ZAN: variants seen among roughly 807,000 people sequenced by gnomAD.
ZAN encodes the protein zonadhesin (gene/pseudogene).
A neutral mutation model predicts 286.2 loss-of-function variants in ZAN; 260 were observed. The observed-to-expected ratio is 0.91, with a 90% CI of 0.82 to 1.01. ZAN has a LOEUF of 1.01. ZAN is among the 50% of genes least tolerant of loss of function. The probability of loss-of-function intolerance (pLI) is 0.00; values close to 1 mark genes in which losing one functional copy is unlikely to be tolerated. For synonymous variants in ZAN, 1,368 were observed against 1,417.5 expected (o/e 0.97, Z 0.79); for missense variants, 3,410 against 3,639.2 (o/e 0.94, Z 1.62).
intron 45 of ZAN, among the ~76,000 whole-genome samples, 186 bp downstream of exon 45, chr7:100,795,522 G>A (rs1218352439): frequency 6.7e-6 from 1 of 149,154 alleles, no homozygotes; most frequent in South Asian, 2.1e-4. Context: ...AATATATCTT[G>A]TATATTAATT....
At chr7:100,748,993 C>G (rs1808422392) in intron 11 of ZAN, among the ~76,000 whole-genome samples, 1 of 151,978 alleles carries the variant, frequency 6.6e-6, no homozygotes. Flanking sequence ...TATGATTGAA[C>G]CAGTGCACTC....
chr7:100,777,200 C>T (rs988000690), intron 34 of ZAN, among the ~76,000 whole-genome samples: 1 of 151,572 alleles, frequency 6.6e-6, no homozygotes, highest in African/African-American at 2.4e-5. Flanking sequence ...CCCGCCACCA[C>T]GCCTGGCTAC....
At chr7:100,751,587 G>A (rs1808668507) in intron 13 of ZAN, 125 bp from the exon 14 acceptor site, 1 of 1,049,838 alleles carries the variant, frequency 9.5e-7, no homozygotes, top group South Asian at 1.8e-5. Context: ...TGAAGGTTGG[G>A]GTTTGGGAGT....
chr7:100,797,674 C>T (rs1344606352), intron 47 of ZAN, 33 bp from the exon 48 acceptor site: 2 of 1,613,970 alleles, frequency 1.2e-6, no homozygotes, highest in East Asian at 2.2e-5. Flanking sequence ...GTTGAGTCTC[C>T]TCTCATACAT....
intron 44 of ZAN, 85 bp downstream of exon 44, chr7:100,794,343 G>A: frequency 1.3e-6 from 2 of 1,509,738 alleles, no homozygotes; most frequent in Non-Finnish European, 1.8e-6. Flanking sequence ...CTTGTCCTCA[G>A]GACTCTTCCA....
intron 7 of ZAN, 59 bp from the exon 8 acceptor site, chr7:100,746,479 T>C: frequency 6.3e-7 from 1 of 1,591,246 alleles, no homozygotes; most frequent in South Asian, 1.1e-5. Flanking sequence ...GGGCCCTATC[T>C]CTGCTGCCAT....
At chr7:100,773,568 C>T in intron 30 of ZAN, 75 bp downstream of exon 30, 2 of 1,568,786 alleles carry the variant, frequency 1.3e-6, no homozygotes, top group Non-Finnish European at 1.7e-6. Flanking sequence ...TCAGGAGAGG[C>T]AGGAGGAAGG....
At chr7:100,746,050 C>A (rs1390286785) in intron 7 of ZAN, among the ~76,000 whole-genome samples, 1 of 151,450 alleles carries the variant, frequency 6.6e-6, no homozygotes, top group Non-Finnish European at 1.5e-5. Flanking sequence ...GTGGTGAAAC[C>A]CTATCTTTTC....
chr7:100,774,159 C>T (rs1432693868), intron 31 of ZAN, among the ~76,000 whole-genome samples: 3 of 152,150 alleles, frequency 2.0e-5, no homozygotes, highest in Non-Finnish European at 4.4e-5. Flanking sequence ...AAGGCCAAGG[C>T]GGGTGGATCA....
At position 100,748,464 on chromosome 7, in the gene ZAN, A is replaced by G. The variant is rs1187115407; in HGVS notation, c.1243A>G (p.Asn415Asp). Residue 415 changes from asparagine (N) to aspartate (D), a missense_variant, in exon 11 of 48, where the codon AAT (asparagine) becomes GAT (aspartate). By Grantham distance (23) the Asn-to-Asp change is conservative. Transcript: ENST00000613979. ...CATGGGCCCTGCGGGAGGTTTCCCT[A>G]ATGCAGGTGAGGAGATTGAGGAGCG... ...HGMGPAGGFPNAGGHYIYLEA... is the reference protein window; with the variant it reads ...HGMGPAGGFPDAGGHYIYLEA... The G allele has an allele frequency of 1.2e-6, 2 of 1,611,316 alleles. No homozygotes were observed. The highest frequency in any genetic ancestry group is 1.7e-6 in the Non-Finnish European group (2 of 1,178,764).
In ZAN at chr7:100,784,676, C is replaced by G. The variant is rs1410394635; in HGVS notation, c.6676C>G (p.Pro2226Ala). The G allele has an allele frequency of 6.2e-7, 1 of 1,613,866 alleles. No individual in the cohort carries two copies. ...SYTNCLPSCS[P>A]SCWDLDGRCE... ...CACCAACTGCCTTCCCTCCTGCTCA[C>G]CCTCCTGCTGGGACCTGGATGGCCG... The change falls in exon 36 of 48, where the codon CCC becomes GCC. Residue 2226 changes from proline to alanine, a missense_variant. Transcript: ENST00000613979.
rs2131457344 is a variant in ZAN, at chr7:100,734,353, C to T, written c.53+132C>T. 6 of 608,962 alleles carry T rather than the reference C, an allele frequency of 9.9e-6. No individual in the cohort carries two copies. The South Asian group carries it at 1.4e-4, about 14-fold the overall frequency. 37.7% of individuals were successfully genotyped at this position (608,962 alleles called of 1,614,324 possible). ...TCTGGAGAGAGGCCAGGCACGGTGG[C>T]TCACGCCTGTAATCCCAGCACTTTG... On this transcript the variant is annotated intron_variant, in intron 2 of 47. Coordinates refer to ENST00000613979, the MANE Select transcript of ZAN (RefSeq NM_003386.3).
Position 100,761,706 on chromosome 7 carries a change from G to A in ZAN, c.3843-509G>A, listed in dbSNP as rs572902145. On this transcript the variant is annotated intron_variant, in intron 19 of 47. Transcript: ENST00000613979. ...TGACACCTGTAATCCCAGCACTCTG[G>A]GAGGCCAAGGCAGGCAGATTAGGAG... Among the ~76,000 whole-genome samples, 5 of 151,906 alleles carry A rather than the reference G, an allele frequency of 3.3e-5. No individual in the cohort carries two copies. The South Asian group carries it at 8.3e-4, about 25-fold the overall frequency.
intron 3 of ZAN, 31 bp from the exon 4 acceptor site, chr7:100,736,452 C>T (rs754885453): frequency 2.0e-6 from 3 of 1,521,956 alleles, no homozygotes; most frequent in Admixed American, 1.7e-5. Context: ...CCTGCCCTCT[C>T]TGAAACCTCA....
intron 7 of ZAN, among the ~76,000 whole-genome samples, chr7:100,742,859 G>C (rs1399483296): frequency 2.2e-5 from 1 of 46,078 alleles, no homozygotes; most frequent in East Asian, 4.4e-4. Context: ...AGAGGGAGAC[G>C]GAGACGGAGA....
intron 37 of ZAN, among the ~76,000 whole-genome samples, chr7:100,787,219 A>G (rs113597237): frequency 0.061 from 9,198 of 151,738 alleles, 875 homozygotes; most frequent in African/African-American, 0.2. Flanking sequence ...TCTTGAGGCC[A>G]GGAGTTCAAG....
At position 100,751,689 on chromosome 7, in the gene ZAN, G is replaced by C. The variant is rs1174543430; in HGVS notation, c.1607-23G>C. The C allele has an allele frequency of 1.5e-5, 23 of 1,561,590 alleles. 1 individual carries two copies. The highest frequency in any genetic ancestry group is 2.0e-5 in the Non-Finnish European group (23 of 1,161,084). ...GTGGTATGGTTTTGACTAAACTCCA[G>C]GGATTCTTATTTTTCTTTGCAGTAA... On this transcript the variant is annotated intron_variant, in intron 13 of 47. Transcript: ENST00000613979.
chr7:100,738,457 TCA>T lies in ZAN; in HGVS notation c.614-3_614-2del. ...TATATCTTCCCTTCTTTCTTTCCTC[TCA>T]GTCTGTATGATGCAAACATGCAGCT... On this transcript the variant is annotated splice_acceptor_variant and splice_polypyrimidine_tract_variant and intron_variant, in intron 6 of 47. Coordinates refer to ENST00000613979, the MANE Select transcript of ZAN (RefSeq NM_003386.3). LOFTEE classifies it high-confidence loss of function. 1.4e-6 allele frequency: 2 copies of T among 1,463,072 alleles called. No individual in the cohort carries two copies. The highest frequency in any genetic ancestry group is 5.0e-5 in the East Asian group (2 of 40,330). The allele number at this position is 1,463,072 out of a possible 1,614,324, so 90.6% of individuals were successfully genotyped here.
chr7:100,765,269 C>T (rs1809872624), intron 22 of ZAN, 83 bp from the exon 23 acceptor site: 1 of 1,446,028 alleles, frequency 6.9e-7, no homozygotes, highest in Admixed American at 2.0e-5. Context: ...GAGCTGGGGC[C>T]CTTCCGAACG....
Sources: gnomAD v4.1 joint callset for allele counts (sites outside exome capture counted in the v4.1 genomes callset) on GRCh38, gnomAD v4.1.1 for gene constraint, MANE v1.5 for transcripts, NCBI Gene and HGNC (gene_info 2026-07-23, HGNC 2026-07-21) for gene names.